The following CSGALNACT1 variants were observed in gnomAD, a reference collection of about 807,000 sequenced individuals.
CSGALNACT1 encodes chondroitin sulfate N-acetylgalactosaminyltransferase 1.
In CSGALNACT1, 52 loss-of-function variants were observed where a neutral mutation model predicts 51.0. The observed-to-expected ratio is 1.02, with a 90% CI of 0.82 to 1.29. The LOEUF is 1.29. CSGALNACT1 is among the 50% of genes most tolerant of loss of function. The pLI, the probability that CSGALNACT1 is intolerant of heterozygous loss-of-function variation, is 0.00. For missense variants in CSGALNACT1, 935 were observed against 679.2 expected (o/e 1.38, Z -4.19); for synonymous variants, 341 against 254.4 (o/e 1.34, Z -3.24).
At chr8:19,504,572 C>T (rs2076964686) in intron 4 of CSGALNACT1, among the ~76,000 whole-genome samples, 1 of 152,034 alleles carries the variant, frequency 6.6e-6, no homozygotes, top group Non-Finnish European at 1.5e-5. Flanking sequence ...CTGTCCTACG[C>T]CCGTGAAAAA....
chr8:19,540,725 C>A lies in CSGALNACT1; in HGVS notation c.-296-34595G>T, dbSNP rs1054269676. Reference sequence around the variant, plus strand: ...ATGCTGTGGATTTCTCAATGGGTCACGCTGTCTTCTTGCCTGGAGAGCTTT... The same window carrying A: ...ATGCTGTGGATTTCTCAATGGGTCAAGCTGTCTTCTTGCCTGGAGAGCTTT... On this transcript the variant is annotated intron_variant, in intron 3 of 9. Coordinates refer to ENST00000454498, the Ensembl canonical transcript of CSGALNACT1. Among the ~76,000 whole-genome samples the A allele has an allele frequency of 1.2e-4, 19 of 152,260 alleles. 1 individual carries two copies. The highest frequency in any genetic ancestry group is 4.1e-4 in the African/African-American group (17 of 41,550).
chr8:19,671,789 A>C (rs962693941), intron 1 of CSGALNACT1, among the ~76,000 whole-genome samples: 5 of 152,160 alleles, frequency 3.3e-5, no homozygotes, highest in Admixed American at 1.3e-4. Context: ...AATTGAGAAT[A>C]TAGATTTACC....
chr8:19,547,486 C>T (rs573450206), intron 3 of CSGALNACT1, among the ~76,000 whole-genome samples: 83 of 152,216 alleles, frequency 5.5e-4, no homozygotes, highest in Middle Eastern at 3.4e-3. Context: ...ATAAGTCTCA[C>T]GAGATCTAGT....
At chr8:19,700,375 T>C (rs1309630813) in intron 1 of CSGALNACT1, among the ~76,000 whole-genome samples, 1 of 152,168 alleles carries the variant, frequency 6.6e-6, no homozygotes, top group Non-Finnish European at 1.5e-5. Context: ...TCCTTATTAA[T>C]AAACCTGGCC....
At chr8:19,713,848 T>A (rs1274682336) in intron 1 of CSGALNACT1, among the ~76,000 whole-genome samples, 1 of 152,174 alleles carries the variant, frequency 6.6e-6, no homozygotes, top group Non-Finnish European at 1.5e-5. Flanking sequence ...TTTGTGGTAT[T>A]TTGCCAGGGC....
At chr8:19,495,985 T>C (rs2075377562) in intron 4 of CSGALNACT1, among the ~76,000 whole-genome samples, 1 of 152,110 alleles carries the variant, frequency 6.6e-6, no homozygotes, top group South Asian at 2.1e-4. Flanking sequence ...ATAAAAGGGG[T>C]TCTAGGCTGA....
intron 1 of CSGALNACT1, among the ~76,000 whole-genome samples, chr8:19,642,784 G>A (rs1342345690): frequency 2.8e-5 from 4 of 145,088 alleles, no homozygotes; most frequent in Non-Finnish European, 6.0e-5. Flanking sequence ...GTGAGACCCT[G>A]TCACAAAAAA....
intron 1 of CSGALNACT1, among the ~76,000 whole-genome samples, chr8:19,659,254 G>A (rs981935446): frequency 6.6e-6 from 1 of 152,192 alleles, no homozygotes; most frequent in Admixed American, 6.5e-5. Flanking sequence ...TAGAAAGCAA[G>A]ACTAACTCAG....
intron 4 of CSGALNACT1, among the ~76,000 whole-genome samples, chr8:19,476,564 C>A (rs1186502151): frequency 1.3e-5 from 2 of 152,004 alleles, no homozygotes. Flanking sequence ...TTTTTCAAAT[C>A]AGTCATGACG....
At chr8:19,541,652 T>A (rs530433710) in intron 3 of CSGALNACT1, among the ~76,000 whole-genome samples, 2 of 148,500 alleles carry the variant, frequency 1.3e-5, no homozygotes, top group African/African-American at 5.0e-5. Context: ...CACCCTGTGT[T>A]GGCCTCCAAA....
chr8:19,596,952 T>G (rs2049033601), intron 2 of CSGALNACT1, among the ~76,000 whole-genome samples: 1 of 152,198 alleles, frequency 6.6e-6, no homozygotes, highest in African/African-American at 2.4e-5. Context: ...CCACATCTTT[T>G]TCATCTTGCA....
At chr8:19,517,579 A>G (rs2079816461) in intron 3 of CSGALNACT1, among the ~76,000 whole-genome samples, 1 of 152,168 alleles carries the variant, frequency 6.6e-6, no homozygotes, top group Non-Finnish European at 1.5e-5. Context: ...GGTCATTTAT[A>G]AAGAAAAAGA....
chr8:19,408,303 C>T (rs1585316676), intron 9 of CSGALNACT1, among the ~76,000 whole-genome samples: 2 of 152,072 alleles, frequency 1.3e-5, no homozygotes, highest in South Asian at 4.2e-4. Context: ...GAGTCTATGA[C>T]ATCAGGAACA....
chr8:19,533,975 C>G (rs1205654619), intron 3 of CSGALNACT1, among the ~76,000 whole-genome samples: 1 of 152,086 alleles, frequency 6.6e-6, no homozygotes, highest in Non-Finnish European at 1.5e-5. Flanking sequence ...CTCTCCCTAC[C>G]TTCCCCCCAT....
chr8:19,504,074 G>C (rs1455661818), intron 4 of CSGALNACT1, among the ~76,000 whole-genome samples: 1 of 152,132 alleles, frequency 6.6e-6, no homozygotes, highest in Non-Finnish European at 1.5e-5. Context: ...TTCTGGGCAA[G>C]ATGAATTATT....
chr8:19,472,244 C>T (rs115164336), intron 4 of CSGALNACT1, among the ~76,000 whole-genome samples: 316 of 152,322 alleles, frequency 2.1e-3, no homozygotes, highest in African/African-American at 7.5e-3. Flanking sequence ...ACTTCCTCTG[C>T]AAACACATTC....
chr8:19,465,526 T>G (rs1429360585), intron 4 of CSGALNACT1, among the ~76,000 whole-genome samples: 1 of 152,232 alleles, frequency 6.6e-6, no homozygotes, highest in African/African-American at 2.4e-5. Context: ...CCATAACTGC[T>G]GTCCTCTGAA....
chr8:19,722,347 T>C (rs557045688), intron 1 of CSGALNACT1, among the ~76,000 whole-genome samples: 1 of 152,240 alleles, frequency 6.6e-6, no homozygotes, highest in Non-Finnish European at 1.5e-5. Flanking sequence ...TGTTTTATGA[T>C]GCCTTTAGCT....
intron 3 of CSGALNACT1, chr8:19,585,274 C>T (rs1002173735): frequency 1.3e-5 from 2 of 152,154 alleles, no homozygotes; most frequent in East Asian, 1.9e-4. Context: ...CCGAAGGAGC[C>T]GCTTGCTGGT....
Sources: gnomAD v4.1 joint callset for allele counts (sites outside exome capture counted in the v4.1 genomes callset) on GRCh38, gnomAD v4.1.1 for gene constraint, MANE v1.5 for transcripts, NCBI Gene and HGNC (gene_info 2026-07-23, HGNC 2026-07-21) for gene names.